TANGO6: variants seen among roughly 807,000 people sequenced by gnomAD.
The protein encoded by TANGO6 is transport and golgi organization 6 homolog, also known as transport and Golgi organization protein 6 homolog.
A neutral mutation model predicts 114.2 loss-of-function variants in TANGO6; 90 were observed. The ratio of observed to expected loss-of-function variants is 0.79; its 90% confidence interval spans 0.66 to 0.94. The LOEUF (loss-of-function observed/expected upper bound fraction) is 0.94, where lower values mean the gene tolerates loss of function less well. TANGO6 is among the 40% of genes least tolerant of loss of function. TANGO6 has a pLI of 0.00. For missense variants in TANGO6, 1,274 were observed against 1,315.3 expected (o/e 0.97, Z 0.49); for synonymous variants, 477 against 509.8 (o/e 0.94, Z 0.87).
chr16:68,966,985 T>C (rs1192958092), intron 14 of TANGO6, among the ~76,000 whole-genome samples: 1 of 152,148 alleles, frequency 6.6e-6, no homozygotes. Context: ...TTGGCCAGGC[T>C]GGTCTCAAAC....
intron 9 of TANGO6, among the ~76,000 whole-genome samples, chr16:68,905,487 G>T (rs973904435): frequency 6.6e-6 from 1 of 151,290 alleles, no homozygotes; most frequent in Non-Finnish European, 1.5e-5. Flanking sequence ...AGTGAGCCGA[G>T]ATTGCGCCAT....
chr16:68,878,266 G>A lies in TANGO6; in HGVS notation c.1280G>A (p.Cys427Tyr). ...CCAGTGTTAGCTCCTCTTCATCGAT[G>A]TTTGAATACAGCAGGTAAAGGAGGA... is the stretch of plus-strand genomic sequence containing the variant. Reference protein sequence around the residue: ...LQPVLAPLHRCLNTAELSESD... With the variant: ...LQPVLAPLHRYLNTAELSESD... The change falls in exon 6 of 18, where the codon TGT becomes TAT. Residue 427 changes from cysteine (C) to tyrosine (Y), a missense_variant. Physicochemically the swap from Cys to Tyr is radical, Grantham distance 194 (BLOSUM62 -2). Around this residue, in one of 5 missense-constraint regions of TANGO6, gnomAD observed 908 missense variants for 910.2 expected, o/e 1.00. Transcript: ENST00000261778. 6.2e-7 allele frequency: 1 copy of A among 1,605,658 alleles called. No homozygotes were observed. Among genetic ancestry groups the A allele is most frequent in the Admixed American group, 1.7e-5 (1 of 58,554 alleles).
intron 1 of TANGO6, among the ~76,000 whole-genome samples, chr16:68,847,630 G>T (rs187650925): frequency 6.6e-6 from 1 of 152,292 alleles, no homozygotes; most frequent in East Asian, 1.9e-4. Context: ...ACTCATTTCC[G>T]TTTGAGGTAT....
In TANGO6 at chr16:68,865,753, CA is replaced by C. The variant is rs367608096; in HGVS notation, c.853-1310del. Among the ~76,000 whole-genome samples the C allele has an allele frequency of 8.4e-3, 969 of 114,958 alleles. 1 individual carries two copies. Among genetic ancestry groups the C allele is most frequent in the Non-Finnish European group, 0.012 (615 of 51,816 alleles). 75.4% of individuals were successfully genotyped at this position (114,958 alleles called of 152,430 possible). On this transcript the variant is annotated intron_variant, in intron 3 of 17. Coordinates refer to ENST00000261778, the MANE Select transcript of TANGO6 (RefSeq NM_024562.2). ...TGAAACCCCATCTCTACTAAAAATACAAAAAAAAAAAAAAAATAGCCTGGCA... is the reference window on the plus strand; with the variant it reads ...TGAAACCCCATCTCTACTAAAAATACAAAAAAAAAAAAAAATAGCCTGGCA...
Position 68,974,036 on chromosome 16 carries a change from C to T in TANGO6, c.2710C>T (p.Leu904=), listed in dbSNP as rs1284683103. The change falls in exon 15 of 18, where the codon CTG becomes TTG. Residue 904 remains leucine, a synonymous_variant. Coordinates refer to ENST00000261778, the MANE Select transcript of TANGO6 (RefSeq NM_024562.2). ...VYLSAIQGVA[L]LSDVYPEKIL... ...TTTGTTTTCAACCCCAGGGGTTGCC[C>T]TGCTGTCAGACGTCTATCCTGAGAA... The T allele has an allele frequency of 1.2e-6, 2 of 1,607,166 alleles. No homozygotes were observed. The highest frequency in any genetic ancestry group is 1.7e-6 in the Non-Finnish European group (2 of 1,176,928).
At position 69,040,391 on chromosome 16, in the gene TANGO6, G is replaced by T; in HGVS notation, c.3078G>T (p.Leu1026=). The part of the protein sequence containing the change: ...RRAAIHVVVL[L]LRGLSQKATE... ...CTGCCATACATGTGGTTGTGCTGCT[G>T]CTTCGGGGACTCAGCCAGAAAGCTA... The change falls in exon 17 of 18, where the codon CTG becomes CTT. Residue 1026 remains leucine (L), a synonymous_variant. Transcript: ENST00000261778. 1 of 1,606,784 alleles carries T rather than the reference G, an allele frequency of 6.2e-7. No homozygotes were observed. Among genetic ancestry groups the T allele is most frequent in the South Asian group, 1.1e-5 (1 of 89,154 alleles).
intron 15 of TANGO6, among the ~76,000 whole-genome samples, chr16:69,008,789 C>T (rs535261633): frequency 2.6e-4 from 40 of 152,038 alleles, no homozygotes; most frequent in African/African-American, 9.4e-4. Flanking sequence ...ATTACAGGCA[C>T]CTGCCACCAT....
intron 16 of TANGO6, chr16:69,034,752 G>A (rs1567562831): frequency 2.0e-5 from 3 of 152,098 alleles, no homozygotes; most frequent in East Asian, 1.9e-4. Flanking sequence ...CCAGCTGGTC[G>A]GGAAGGAATA....
At chr16:68,956,952 A>C (rs1315504572) in intron 14 of TANGO6, among the ~76,000 whole-genome samples, 2 of 152,308 alleles carry the variant, frequency 1.3e-5, no homozygotes, top group Non-Finnish European at 2.9e-5. Context: ...GATTCAGGAA[A>C]TCTCAAGCAG....
intron 14 of TANGO6, among the ~76,000 whole-genome samples, chr16:68,964,221 CTATAT>C (rs1173000965): frequency 7.9e-5 from 12 of 151,810 alleles, no homozygotes; most frequent in Admixed American, 6.6e-4. Context: ...GATCTGATCG[CTATAT>C]TATATCTATT....
At chr16:68,990,455 C>T (rs1404484778) in intron 15 of TANGO6, among the ~76,000 whole-genome samples, 1 of 152,120 alleles carries the variant, frequency 6.6e-6, no homozygotes, top group Admixed American at 6.6e-5. Flanking sequence ...GGGGAAACCG[C>T]CCCCATGATT....
At chr16:68,916,633 CTG>C (rs1265541396) in intron 11 of TANGO6, among the ~76,000 whole-genome samples, 2 of 152,028 alleles carry the variant, frequency 1.3e-5, no homozygotes, top group African/African-American at 4.8e-5. Flanking sequence ...TAGAATTAGA[CTG>C]TCAAAATGTC....
At chr16:68,910,123 G>A (rs963029921) in intron 11 of TANGO6, among the ~76,000 whole-genome samples, 2 of 152,190 alleles carry the variant, frequency 1.3e-5, no homozygotes, top group African/African-American at 4.8e-5. Context: ...AGCTTGGTTG[G>A]TCAATAGGCA....
chr16:69,055,431 TG>T (rs924332515), intron 17 of TANGO6, among the ~76,000 whole-genome samples: 2 of 152,220 alleles, frequency 1.3e-5, no homozygotes, highest in Non-Finnish European at 2.9e-5. Context: ...TAACCACTGA[TG>T]GTGGCCCAGT....
chr16:69,043,525 C>A (rs1959806781), intron 17 of TANGO6, among the ~76,000 whole-genome samples: 1 of 152,102 alleles, frequency 6.6e-6, no homozygotes, highest in Admixed American at 6.6e-5. Flanking sequence ...TGTCTCTAGT[C>A]TGCACTCACT....
At chr16:68,865,347 A>G (rs1048251817) in intron 3 of TANGO6, among the ~76,000 whole-genome samples, 3 of 152,278 alleles carry the variant, frequency 2.0e-5, no homozygotes, top group African/African-American at 7.2e-5. Context: ...AAGGGCTAGA[A>G]CATTCAAACT....
intron 15 of TANGO6, among the ~76,000 whole-genome samples, chr16:68,975,464 T>C (rs1258471300): frequency 1.3e-5 from 2 of 151,868 alleles, no homozygotes; most frequent in African/African-American, 2.4e-5. Flanking sequence ...CAAGCAATCC[T>C]CCCACCTCAG....
intron 17 of TANGO6, among the ~76,000 whole-genome samples, chr16:69,054,777 CAA>C (rs34537360): frequency 1.0e-3 from 148 of 143,586 alleles, no homozygotes; most frequent in Admixed American, 1.3e-3. Context: ...ACTAAAAATA[CAA>C]AAAAAAAAAA....
At chr16:68,889,269 G>A (rs1412249819) in intron 7 of TANGO6, among the ~76,000 whole-genome samples, 1 of 152,180 alleles carries the variant, frequency 6.6e-6, no homozygotes, top group African/African-American at 2.4e-5. Flanking sequence ...ATCATCCAAA[G>A]TCCGTAGTTT....
Sources: allele counts gnomAD v4.1 joint callset (sites outside exome capture counted in the v4.1 genomes callset), GRCh38; gene constraint gnomAD v4.1.1; regional missense constraint gnomAD v4.1.1; transcripts MANE v1.5; gene names NCBI Gene and HGNC (gene_info 2026-07-23, HGNC 2026-07-21).